RALGPS2: variants seen among roughly 807,000 people sequenced by gnomAD.
RALGPS2 encodes the protein ras-specific guanine nucleotide-releasing factor RalGPS2.
Under a neutral mutation model 86.8 loss-of-function variants are expected in RALGPS2, and 43 were observed. The observed-to-expected ratio is 0.50, with a 90% confidence interval of 0.39 to 0.64. RALGPS2 has a LOEUF of 0.64. RALGPS2 is among the 30% of genes least tolerant of loss of function. The pLI is 0.00. For missense variants in RALGPS2, 536 were observed against 694.6 expected (o/e 0.77, Z 2.57); for synonymous variants, 243 against 231.3 (o/e 1.05, Z -0.46).
intron 8 of RALGPS2, 21 bp from the exon 9 acceptor site, chr1:178,877,477 A>C (rs1659053173): frequency 6.2e-7 from 1 of 1,611,120 alleles, no homozygotes; most frequent in African/African-American, 1.3e-5. Context: ...GAAAACGTTC[A>C]TTTATCTAAT....
intron 1 of RALGPS2, among the ~76,000 whole-genome samples, chr1:178,763,565 T>A (rs1652354300): frequency 6.6e-6 from 1 of 152,216 alleles, no homozygotes; most frequent in Non-Finnish European, 1.5e-5. Context: ...AGTAAACCTC[T>A]CTAGTTAGCT....
At chr1:178,760,325 T>C (rs1652170963) in intron 1 of RALGPS2, among the ~76,000 whole-genome samples, 1 of 152,236 alleles carries the variant, frequency 6.6e-6, no homozygotes, top group South Asian at 2.1e-4. Flanking sequence ...GCTGAGTTTT[T>C]CCTTAGGTTT....
In RALGPS2 at chr1:178,846,396, A is replaced by G. The variant is rs757306599; in HGVS notation, c.607+12846A>G. On this transcript the variant is annotated intron_variant, in intron 8 of 19. Coordinates refer to ENST00000367635, the MANE Select transcript of RALGPS2 (RefSeq NM_152663.5). Reference sequence around the variant, plus strand: ...GTTATATATTGTATACTAAAACAGCAGTAAAGCATCTTCACTGATTTTCTT... The same window carrying G: ...GTTATATATTGTATACTAAAACAGCGGTAAAGCATCTTCACTGATTTTCTT... 3.0e-4 allele frequency among the ~76,000 whole-genome samples: 46 copies of G among 152,344 alleles called. 1 individual carries two copies. The highest frequency in any genetic ancestry group is 1.7e-3 in the Admixed American group (26 of 15,300).
chr1:178,911,595 T>A (rs1362000018), intron 19 of RALGPS2, among the ~76,000 whole-genome samples: 1 of 152,176 alleles, frequency 6.6e-6, no homozygotes, highest in African/African-American at 2.4e-5. Flanking sequence ...ATGATTTCAA[T>A]TTTTTTGAAT....
intron 1 of RALGPS2, chr1:178,747,248 C>T: frequency 6.7e-7 from 1 of 1,497,486 alleles, no homozygotes; most frequent in South Asian, 1.1e-5. Flanking sequence ...GCCAGATTCT[C>T]TCACTTTAAA....
intron 1 of RALGPS2, among the ~76,000 whole-genome samples, chr1:178,733,720 C>T (rs1558093279): frequency 6.6e-6 from 1 of 152,060 alleles, no homozygotes; most frequent in Non-Finnish European, 1.5e-5. Context: ...TGGGGATAGA[C>T]CTGATAGAAA....
chr1:178,890,716 C>G (rs905254154), intron 14 of RALGPS2, among the ~76,000 whole-genome samples: 2 of 151,832 alleles, frequency 1.3e-5, no homozygotes, highest in Non-Finnish European at 2.9e-5. Flanking sequence ...TTTATAAGTT[C>G]TACATTGCAA....
chr1:178,855,029 T>G (rs1039972497), intron 8 of RALGPS2, among the ~76,000 whole-genome samples: 1 of 152,150 alleles, frequency 6.6e-6, no homozygotes, highest in Non-Finnish European at 1.5e-5. Flanking sequence ...ATAAAAATTC[T>G]GATTGTCAAA....
intron 8 of RALGPS2, among the ~76,000 whole-genome samples, chr1:178,838,823 C>T (rs892408305): frequency 3.3e-5 from 5 of 152,226 alleles, no homozygotes; most frequent in Admixed American, 2.0e-4. Context: ...CCTTAAATGA[C>T]CTGATGGAGC....
intron 4 of RALGPS2, among the ~76,000 whole-genome samples, chr1:178,792,588 A>T (rs914446915): frequency 6.6e-6 from 1 of 152,084 alleles, no homozygotes; most frequent in Non-Finnish European, 1.5e-5. Flanking sequence ...ATATATCCTG[A>T]CAGCTCCCTC....
At chr1:178,795,036 CAA>C (rs1654122369) in intron 4 of RALGPS2, among the ~76,000 whole-genome samples, 1 of 151,832 alleles carries the variant, frequency 6.6e-6, no homozygotes, top group Non-Finnish European at 1.5e-5. Context: ...AAAAATTAGC[CAA>C]GCATGGTGGT....
At chr1:178,742,099 G>A (rs1355157294) in intron 1 of RALGPS2, among the ~76,000 whole-genome samples, 1 of 144,160 alleles carries the variant, frequency 6.9e-6, no homozygotes, top group Non-Finnish European at 1.5e-5. Flanking sequence ...TCGTGCCGCT[G>A]CACTCCAGCC....
intron 4 of RALGPS2, among the ~76,000 whole-genome samples, chr1:178,801,143 C>G (rs1409582013): frequency 6.6e-6 from 1 of 152,076 alleles, no homozygotes; most frequent in Admixed American, 6.6e-5. Flanking sequence ...TCAGGCTGGT[C>G]TTGAACTCCT....
chr1:178,775,690 A>G (rs187293727), intron 1 of RALGPS2, among the ~76,000 whole-genome samples: 171 of 152,166 alleles, frequency 1.1e-3, no homozygotes, highest in Middle Eastern at 6.8e-3. Flanking sequence ...TTGGCTCCTT[A>G]TTTACCATCC....
rs756157066 is a variant in RALGPS2 at position 178,893,953 on chromosome 1, T to C, written c.1360T>C (p.Tyr454His). ...ATCAGAAGATTTGGCAGTACATTTA[T>C]ATCCAGGAGCTGTTACTATTCAAGG... is the stretch of plus-strand genomic sequence containing the variant. Reference protein sequence around the residue: ...AESEDLAVHLYPGAVTIQGVL... With the variant: ...AESEDLAVHLHPGAVTIQGVL... The change falls in exon 16 of 20, where the codon TAT (tyrosine) becomes CAT (histidine). Residue 454 changes from tyrosine to histidine, a missense_variant. Physicochemically the swap from Tyr to His is moderately conservative, Grantham distance 83 (BLOSUM62 2). Coordinates refer to ENST00000367635, the MANE Select transcript of RALGPS2 (RefSeq NM_152663.5). The C allele has an allele frequency of 1.9e-6, 3 of 1,608,842 alleles. No individual in the cohort carries two copies. Among genetic ancestry groups the C allele is most frequent in the African/African-American group, 1.3e-5 (1 of 74,708 alleles).
intron 8 of RALGPS2, among the ~76,000 whole-genome samples, chr1:178,857,046 T>C (rs76799378): frequency 0.015 from 2,352 of 152,250 alleles, 56 homozygotes; most frequent in African/African-American, 0.053. Flanking sequence ...AAACATGCAT[T>C]GTAGTCAAGT....
intron 1 of RALGPS2, among the ~76,000 whole-genome samples, chr1:178,734,910 T>A (rs557543351): frequency 3.5e-4 from 54 of 152,340 alleles, no homozygotes; most frequent in African/African-American, 1.3e-3. Flanking sequence ...GGATAGCAGA[T>A]CTTTTTTTCT....
chr1:178,753,961 A>T (rs922640169), intron 1 of RALGPS2, among the ~76,000 whole-genome samples: 13 of 151,906 alleles, frequency 8.6e-5, no homozygotes, highest in Non-Finnish European at 1.8e-4. Context: ...CCTCCCGAGT[A>T]GTTGGGACTA....
At chr1:178,869,114 G>A (rs533033276) in intron 8 of RALGPS2, 4 of 151,880 alleles carry the variant, frequency 2.6e-5, no homozygotes, top group Non-Finnish European at 4.4e-5. Context: ...GAATACTTAC[G>A]TTTAAATTTA....
Sources: allele counts gnomAD v4.1 joint callset (sites outside exome capture counted in the v4.1 genomes callset), GRCh38; gene constraint gnomAD v4.1.1; transcripts MANE v1.5; gene names NCBI Gene and HGNC (gene_info 2026-07-23, HGNC 2026-07-21).